Variants in STPG2 observed in about 807,000 individuals in gnomAD.
The protein encoded by STPG2 is sperm-tail PG-rich repeat-containing protein 2.
In STPG2, 56 loss-of-function variants were observed where a neutral mutation model predicts 54.2. That is an observed-to-expected ratio of 1.03 (90% confidence interval 0.83 to 1.29). The LOEUF (loss-of-function observed/expected upper bound fraction) is 1.29. STPG2 is among the 50% of genes most tolerant of loss of function. STPG2 has a pLI of 0.00. For synonymous variants in STPG2, 200 were observed against 181.8 expected, an observed-to-expected ratio of 1.10 and a Z score of -0.81; for missense variants, 596 against 544.9, an observed-to-expected ratio of 1.09 and a Z score of -0.93.
At chr4:97,610,460 G>T (rs973271942) in intron 10 of STPG2, among the ~76,000 whole-genome samples, 27 of 151,988 alleles carry the variant, frequency 1.8e-4, no homozygotes, top group Non-Finnish European at 4.0e-4. Context: ...GCTCAAAACA[G>T]AATTGTACTG....
intron 9 of STPG2, among the ~76,000 whole-genome samples, chr4:97,767,635 A>G (rs1322050021): frequency 6.6e-6 from 1 of 152,172 alleles, no homozygotes; most frequent in African/African-American, 2.4e-5. Flanking sequence ...AATTTTTAAT[A>G]AAAATAATGA....
chr4:97,444,203 G>C (rs1044183638), intron 4 of STPG2, among the ~76,000 whole-genome samples: 2 of 152,074 alleles, frequency 1.3e-5, no homozygotes, highest in Non-Finnish European at 2.9e-5. Flanking sequence ...ATTTGTGTAA[G>C]AGAAGAGAGA....
intron 10 of STPG2, among the ~76,000 whole-genome samples, chr4:97,635,738 CAAAG>C: frequency 6.6e-6 from 1 of 151,666 alleles, no homozygotes; most frequent in Non-Finnish European, 1.5e-5. Context: ...TCGAAAGAGA[CAAAG>C]AAGGCCATTA....
At chr4:97,607,172 C>G (rs1417707858) in intron 10 of STPG2, among the ~76,000 whole-genome samples, 3 of 152,008 alleles carry the variant, frequency 2.0e-5, no homozygotes, top group Non-Finnish European at 4.4e-5. Flanking sequence ...ATAATAGCAG[C>G]AGCCACAATA....
At position 98,109,201 on chromosome 4, in the gene STPG2, A is replaced by G; in HGVS notation, c.492T>C (p.Asp164=). ...KKSGPGPGQY[D]IVQKKTSYYE... Reference sequence around the variant, plus strand: ...TATATTTTTTTACTTACTGGACTATATCATACTGTCCTGGACCAGGACCTG... The same window carrying G: ...TATATTTTTTTACTTACTGGACTATGTCATACTGTCCTGGACCAGGACCTG... The change falls in exon 4 of 11, where the codon GAT becomes GAC. Residue 164 remains aspartate (D), a synonymous_variant. Transcript: ENST00000295268. 6.3e-7 allele frequency: 1 copy of G among 1,592,550 alleles called. No individual in the cohort carries two copies. The highest frequency in any genetic ancestry group is 8.6e-7 in the Non-Finnish European group (1 of 1,167,260).
chr4:97,620,872 C>T (rs570594939), intron 10 of STPG2, among the ~76,000 whole-genome samples: 1 of 152,082 alleles, frequency 6.6e-6, no homozygotes, highest in Non-Finnish European at 1.5e-5. Flanking sequence ...AAATTGACCA[C>T]ACAATTGGAC....
chr4:98,022,623 G>T (rs1736257477), intron 5 of STPG2, among the ~76,000 whole-genome samples: 1 of 151,992 alleles, frequency 6.6e-6, no homozygotes, highest in Non-Finnish European at 1.5e-5. Context: ...TTTCCAACTT[G>T]GTTCCATTTT....
At chr4:97,486,210 AG>A (rs1308013088) in intron 4 of STPG2, among the ~76,000 whole-genome samples, 2 of 151,926 alleles carry the variant, frequency 1.3e-5, no homozygotes, top group Non-Finnish European at 2.9e-5. Context: ...GCTTGGCAAA[AG>A]GAACAGTCAC....
chr4:98,075,856 A>G (rs1235116759), intron 5 of STPG2, among the ~76,000 whole-genome samples: 1 of 152,214 alleles, frequency 6.6e-6, no homozygotes, highest in Non-Finnish European at 1.5e-5. Context: ...ATAAAGTTAT[A>G]TTTTTTAGGG....
At chr4:98,006,916 T>C (rs567518920) in intron 5 of STPG2, among the ~76,000 whole-genome samples, 3 of 152,208 alleles carry the variant, frequency 2.0e-5, no homozygotes, top group South Asian at 4.1e-4. Flanking sequence ...TGCAAAGAAA[T>C]TGGTGCAGAA....
chr4:97,875,601 T>A (rs951584973), intron 8 of STPG2, among the ~76,000 whole-genome samples: 1 of 152,044 alleles, frequency 6.6e-6, no homozygotes, highest in Non-Finnish European at 1.5e-5. Flanking sequence ...AAAATTATAG[T>A]TATCCTTATA....
chr4:97,477,750 A>G lies in STPG2; in HGVS notation c.462+234949T>C, dbSNP rs1219900709. ...CGTGATCTGCCTGCCTTGGCCTCCCAAAGTGCTGGGATTACAGACGTGAGG... is the reference window on the plus strand; with the variant it reads ...CGTGATCTGCCTGCCTTGGCCTCCCGAAGTGCTGGGATTACAGACGTGAGG... On this transcript the variant is annotated intron_variant, in intron 4 of 4. Coordinates refer to the STPG2 transcript ENST00000522676. Among the ~76,000 whole-genome samples the G allele has an allele frequency of 2.6e-5, 4 of 151,764 alleles. No individual in the cohort carries two copies. The East Asian group carries it at 5.8e-4, about 22-fold the overall frequency.
At chr4:97,813,517 G>A (rs1191502153) in intron 9 of STPG2, among the ~76,000 whole-genome samples, 1 of 151,334 alleles carries the variant, frequency 6.6e-6, no homozygotes, top group Admixed American at 6.6e-5. Context: ...TAATTAGCTT[G>A]ACTCAACTAT....
chr4:97,971,559 C>T (rs966943396), intron 7 of STPG2, among the ~76,000 whole-genome samples: 2 of 152,086 alleles, frequency 1.3e-5, no homozygotes, highest in Non-Finnish European at 2.9e-5. Flanking sequence ...AAGACGACCA[C>T]ACACCGCAGG....
chr4:97,914,236 A>T (rs1036061977), intron 8 of STPG2, among the ~76,000 whole-genome samples: 1 of 152,092 alleles, frequency 6.6e-6, no homozygotes, highest in African/African-American at 2.4e-5. Flanking sequence ...TATTCCAAGA[A>T]ATTTCTTTTA....
At chr4:97,848,780 T>G (rs1729050985) in intron 8 of STPG2, among the ~76,000 whole-genome samples, 2 of 151,360 alleles carry the variant, frequency 1.3e-5, no homozygotes, top group South Asian at 4.2e-4. Flanking sequence ...TGCTTGTTTT[T>G]CTCAGGTTTG....
intron 4 of STPG2, among the ~76,000 whole-genome samples, chr4:97,529,510 G>A (rs994399507): frequency 7.2e-5 from 11 of 152,090 alleles, no homozygotes; most frequent in African/African-American, 1.2e-4. Context: ...GTGAGTTAGG[G>A]AGGAGTCCCT....
At chr4:98,103,321 C>T (rs1025191495) in intron 5 of STPG2, among the ~76,000 whole-genome samples, 30 of 151,940 alleles carry the variant, frequency 2.0e-4, no homozygotes, top group African/African-American at 7.2e-4. Flanking sequence ...TTTTTATTTA[C>T]TAACCTATCA....
At chr4:97,900,032 AG>A (rs201352376) in intron 8 of STPG2, among the ~76,000 whole-genome samples, 1,767 of 152,270 alleles carry the variant, frequency 0.012, 30 homozygotes, top group African/African-American at 0.041. Context: ...CATCTGACAA[AG>A]GTCTAATATC....
Sources: gnomAD v4.1 joint callset for allele counts (sites outside exome capture counted in the v4.1 genomes callset) on GRCh38, gnomAD v4.1.1 for gene constraint, MANE v1.5 for transcripts, NCBI Gene and HGNC (gene_info 2026-07-23, HGNC 2026-07-21) for gene names.